GLI2: variants seen among roughly 807,000 people sequenced by gnomAD.
GLI2 encodes GLI family zinc finger 2.
Under a neutral mutation model 78.9 loss-of-function variants are expected in GLI2, and 22 were observed. The observed-to-expected ratio is 0.28, with a 90% CI of 0.20 to 0.40. GLI2 has a LOEUF of 0.40. Among genes scored for constraint, GLI2 ranks in the 10% least tolerant of loss-of-function variants. GLI2 has a pLI of 1.00. For missense variants in GLI2, 2,097 were observed against 2,213.2 expected (o/e 0.95, Z 1.05); for synonymous variants, 974 against 963.7 (o/e 1.01, Z -0.20).
At chr2:120,846,135 C>T (rs758178695) in intron 2 of GLI2, among the ~76,000 whole-genome samples, 1 of 152,162 alleles carries the variant, frequency 6.6e-6, no homozygotes, top group Non-Finnish European at 1.5e-5. Flanking sequence ...AGATCTCCCC[C>T]GTCAGTCATT....
intron 2 of GLI2, among the ~76,000 whole-genome samples, chr2:120,812,287 C>T (rs746907958): frequency 6.6e-6 from 1 of 152,192 alleles, no homozygotes; most frequent in East Asian, 1.9e-4. Context: ...GCGGCCCGGT[C>T]CCCTCACTGC....
intron 3 of GLI2, among the ~76,000 whole-genome samples, chr2:120,948,253 C>G (rs1298058709): frequency 1.3e-5 from 2 of 152,158 alleles, no homozygotes; most frequent in Non-Finnish European, 2.9e-5. Context: ...TTTTCCATAC[C>G]CTCCTGAGGG....
At chr2:120,808,816 C>T (rs540410880) in intron 2 of GLI2, among the ~76,000 whole-genome samples, 11 of 152,280 alleles carry the variant, frequency 7.2e-5, no homozygotes, top group South Asian at 4.2e-4. Flanking sequence ...ATGTGGGCAG[C>T]GGGCTGCTGT....
Position 120,974,841 on chromosome 2 carries a change from AAC to A in GLI2, c.1183-125_1183-124del, listed in dbSNP as rs141965979. On this transcript the variant is annotated intron_variant, in intron 8 of 13. Coordinates refer to ENST00000361492, the MANE Select transcript of GLI2 (RefSeq NM_001374353.1). ...GTTGTGTGTGTGCACACACACCTGT[AAC>A]ACACACACTTGCATCCACACCTGTA... 1.8e-3 allele frequency: 2,199 copies of A among 1,188,916 alleles called. 35 individuals carry two copies. The African/African-American group carries it at 0.027, about 15-fold the overall frequency. The allele number at this position is 1,188,916 out of a possible 1,614,324, so 73.6% of individuals were successfully genotyped here.
In GLI2 at chr2:120,988,566, G is replaced by T; in HGVS notation, c.2601G>T (p.Ala867=). ...GGSGLLNLTP[A]QQYSLRAKYA... is the part of the protein sequence containing the mutation. ...CCGGGCTGCTCAACCTCACGCCGGCGCAGCAGTACAGCCTGCGGGCCAAGT... is the reference window on the plus strand; with the variant it reads ...CCGGGCTGCTCAACCTCACGCCGGCTCAGCAGTACAGCCTGCGGGCCAAGT... Residue 867 remains alanine (A), a synonymous_variant, in exon 14 of 14, where the codon GCG becomes GCT. Transcript: ENST00000361492. 1 of 1,498,054 alleles carries T rather than the reference G, an allele frequency of 6.7e-7. No individual in the cohort carries two copies. The highest frequency in any genetic ancestry group is 8.8e-7 in the Non-Finnish European group (1 of 1,130,264). 92.8% of individuals were successfully genotyped at this position (1,498,054 alleles called of 1,614,324 possible).
chr2:120,772,603 C>T (rs1683555594), intron 1 of GLI2, among the ~76,000 whole-genome samples: 1 of 152,230 alleles, frequency 6.6e-6, no homozygotes, highest in South Asian at 2.1e-4. Context: ...CCCAGAGGTT[C>T]CCAGGTCTGC....
At chr2:120,739,962 CG>C (rs1441981003) in intron 1 of GLI2, among the ~76,000 whole-genome samples, 1 of 152,142 alleles carries the variant, frequency 6.6e-6, no homozygotes, top group East Asian at 1.9e-4. Context: ...AAGGGTCATC[CG>C]ACATTGATGT....
At chr2:120,803,816 T>G (rs908289486) in intron 2 of GLI2, among the ~76,000 whole-genome samples, 3 of 152,224 alleles carry the variant, frequency 2.0e-5, no homozygotes, top group Non-Finnish European at 4.4e-5. Context: ...TATGTATTTT[T>G]AATACGCTTC....
At chr2:120,754,988 A>G (rs1480800692) in intron 1 of GLI2, among the ~76,000 whole-genome samples, 1 of 151,744 alleles carries the variant, frequency 6.6e-6, no homozygotes, top group Non-Finnish European at 1.5e-5. Flanking sequence ...AGTAGCTGGG[A>G]TTATAGACGC....
intron 8 of GLI2, chr2:120,972,668 G>C (rs1329211952): frequency 1.9e-6 from 1 of 518,846 alleles, no homozygotes; most frequent in Non-Finnish European, 3.8e-6. Flanking sequence ...ACCAGGGTTT[G>C]TGCAAGTGTG....
intron 2 of GLI2, among the ~76,000 whole-genome samples, chr2:120,805,056 C>A (rs1684879894): frequency 6.6e-6 from 1 of 152,226 alleles, no homozygotes; most frequent in Non-Finnish European, 1.5e-5. Context: ...GGGTGGCTAG[C>A]AGAGCATGTG....
At chr2:120,880,413 T>C (rs1390872863) in intron 2 of GLI2, among the ~76,000 whole-genome samples, 2 of 152,188 alleles carry the variant, frequency 1.3e-5, no homozygotes, top group East Asian at 1.9e-4. Context: ...GTCCAGCCTC[T>C]GAGGTTTAAT....
At chr2:120,840,753 G>A (rs144807765) in intron 2 of GLI2, among the ~76,000 whole-genome samples, 148 of 152,322 alleles carry the variant, frequency 9.7e-4, no homozygotes, top group Admixed American at 4.0e-3. Context: ...GGGCATTGAA[G>A]GGTATCCAGC....
chr2:120,927,278 T>C (rs1311079549), intron 2 of GLI2, 83 bp from the exon 3 acceptor site: 11 of 994,644 alleles, frequency 1.1e-5, no homozygotes, highest in East Asian at 2.4e-5. Context: ...ATGAAATTCA[T>C]TGAGCTTTAA....
rs192438048 is a variant in GLI2, at chr2:120,767,635, T to C, written c.-30-29656T>C. On this transcript the variant is annotated intron_variant, in intron 1 of 13. Transcript: ENST00000361492. ...GCAGTGGGAGCATCTTCCCACCGTC[T>C]GCCTGTGCCCCCCGCTCTGAGAGGC... is the stretch of plus-strand genomic sequence containing the variant. 5.4e-3 allele frequency among the ~76,000 whole-genome samples: 825 copies of C among 152,348 alleles called. 6 individuals are homozygous for C. Among genetic ancestry groups the C allele is most frequent in the African/African-American group, 0.019 (774 of 41,590 alleles).
Position 120,955,348 on chromosome 2 carries a change from C to T in GLI2, c.561C>T (p.Pro187=), listed in dbSNP as rs141574408. ...AGATGACCCTCGTGGCAGGCCACCC[C>T]GCGCCCTACGGGGACCTGCTGATGC... is the stretch of plus-strand genomic sequence containing the variant. ...YHQMTLVAGH[P]APYGDLLMQS... Residue 187 remains proline (P), a synonymous_variant, in exon 5 of 14, where the codon CCC becomes CCT. Transcript: ENST00000361492. 8.3e-5 allele frequency: 134 copies of T among 1,613,156 alleles called. No individual in the cohort carries two copies. The highest frequency in any genetic ancestry group is 9.2e-5 in the Non-Finnish European group (108 of 1,179,458).
chr2:120,978,492 C>G lies in GLI2; in HGVS notation c.1376C>G (p.Ala459Gly), dbSNP rs2105050780. 1 of 1,614,172 alleles carries G rather than the reference C, an allele frequency of 6.2e-7. No homozygotes were observed. ...EKKEFVCRWQ[A>G]CTREQKPFKA... The stretch of plus-strand genomic sequence containing the variant: ...AAGGAGTTTGTGTGCCGCTGGCAGG[C>G]CTGCACGCGGGAGCAGAAGCCCTTC... The change falls in exon 10 of 14, where the codon GCC becomes GGC. Residue 459 changes from alanine (A) to glycine (G), a missense_variant. Ala to Gly is a moderately conservative substitution (Grantham distance 60, BLOSUM62 0). This residue lies in a region of GLI2 where 104 missense variants were observed against 190.6 expected (regional missense o/e 0.55). Transcript: ENST00000361492.
intron 10 of GLI2, among the ~76,000 whole-genome samples, chr2:120,979,363 ATTTT>A (rs1682609674): frequency 6.6e-6 from 1 of 152,080 alleles, no homozygotes; most frequent in Admixed American, 6.5e-5. Flanking sequence ...GGAGAGACTT[ATTTT>A]TTTAACACAC....
chr2:120,964,408 AAGT>A (rs1403507439), intron 5 of GLI2, among the ~76,000 whole-genome samples: 4 of 152,210 alleles, frequency 2.6e-5, no homozygotes, highest in Non-Finnish European at 5.9e-5. Context: ...TCTTATTTCC[AAGT>A]TGAAAATCTG....
Sources: allele counts gnomAD v4.1 joint callset (sites outside exome capture counted in the v4.1 genomes callset), GRCh38; gene constraint gnomAD v4.1.1; regional missense constraint gnomAD v4.1.1; transcripts MANE v1.5; gene names NCBI Gene and HGNC (gene_info 2026-07-23, HGNC 2026-07-21).